RFX3: variants seen among roughly 807,000 people sequenced by gnomAD.
The protein encoded by RFX3 is regulatory factor X3.
A neutral mutation model predicts 98.6 loss-of-function variants in RFX3; 14 were observed. The ratio of observed to expected loss-of-function variants is 0.14; its 90% confidence interval spans 0.09 to 0.22. RFX3 has a LOEUF of 0.22. Ranked by LOEUF, RFX3 falls within the 10% of genes least tolerant of loss-of-function variation. The pLI, the probability that RFX3 is intolerant of heterozygous loss-of-function variation, is 1.00. For missense variants in RFX3, 639 were observed against 926.9 expected, an observed-to-expected ratio of 0.69 and a Z score of 4.03; for synonymous variants, 383 against 328.4, an observed-to-expected ratio of 1.17 and a Z score of -1.80.
chr9:3,316,393 T>G (rs187985428), intron 4 of RFX3, among the ~76,000 whole-genome samples: 3 of 152,296 alleles, frequency 2.0e-5, no homozygotes, highest in East Asian at 1.9e-4. Context: ...ATAAGAGCTA[T>G]TTATGACAAA....
chr9:3,299,953 A>G (rs1263478044), intron 5 of RFX3, among the ~76,000 whole-genome samples: 1 of 151,708 alleles, frequency 6.6e-6, no homozygotes, highest in Non-Finnish European at 1.5e-5. Context: ...TGAGTTGAAT[A>G]TGAAAGCACA....
At chr9:3,293,717 T>C (rs2129689275) in intron 5 of RFX3, among the ~76,000 whole-genome samples, 1 of 152,296 alleles carries the variant, frequency 6.6e-6, no homozygotes, top group South Asian at 2.1e-4. Flanking sequence ...TGAGTGTTTA[T>C]ATTAAAGTTA....
chr9:3,378,695 T>C (rs1199299044), intron 2 of RFX3, among the ~76,000 whole-genome samples: 1 of 151,916 alleles, frequency 6.6e-6, no homozygotes, highest in Non-Finnish European at 1.5e-5. Context: ...TAGCTAGGGT[T>C]ACAGGCATGC....
intron 1 of RFX3, among the ~76,000 whole-genome samples, chr9:3,466,460 G>A (rs34086781): frequency 0.13 from 19,269 of 152,086 alleles, 1,468 homozygotes; most frequent in African/African-American, 0.22. Context: ...TAGGTTGTAC[G>A]GGCTGAATTA....
chr9:3,394,286 A>G (rs1310527427), intron 2 of RFX3, among the ~76,000 whole-genome samples: 5 of 152,088 alleles, frequency 3.3e-5, no homozygotes, highest in Admixed American at 3.3e-4. Context: ...ACATGGTGAA[A>G]CCCCGTCTCT....
At chr9:3,489,398 T>A (rs1456722282) in intron 1 of RFX3, 37 of 984,678 alleles carry the variant, frequency 3.8e-5, no homozygotes, top group Non-Finnish European at 4.5e-5. Context: ...AGGCCTGTCT[T>A]TAAAGTACTG....
chr9:3,299,742 A>G (rs1350208316), intron 5 of RFX3, among the ~76,000 whole-genome samples: 1 of 151,850 alleles, frequency 6.6e-6, no homozygotes, highest in Non-Finnish European at 1.5e-5. Flanking sequence ...AATTCTATAA[A>G]GAAAAATAAT....
At chr9:3,350,956 G>C (rs1422106135) in intron 2 of RFX3, among the ~76,000 whole-genome samples, 1 of 152,078 alleles carries the variant, frequency 6.6e-6, no homozygotes, top group Non-Finnish European at 1.5e-5. Flanking sequence ...GAGATGAACA[G>C]GCAGGGCCCA....
intron 15 of RFX3, chr9:3,247,380 G>A (rs1820819496): frequency 1.1e-6 from 1 of 949,558 alleles, no homozygotes; most frequent in Non-Finnish European, 1.3e-6. Flanking sequence ...ATCAGACTGT[G>A]TTTGAAAAAA....
At chr9:3,255,971 C>CTTT (rs1188309644) in intron 14 of RFX3, among the ~76,000 whole-genome samples, 3 of 148,626 alleles carry the variant, frequency 2.0e-5, no homozygotes, top group African/African-American at 7.4e-5. Context: ...TTATCTCTCT[C>CTTT]TTTTTTTTTT....
chr9:3,462,404 AT>A (rs948941733), intron 1 of RFX3, among the ~76,000 whole-genome samples: 47 of 152,168 alleles, frequency 3.1e-4, no homozygotes, highest in African/African-American at 1.1e-3. Context: ...CCTCAGCCTA[AT>A]AAAAGGCATC....
intron 1 of RFX3, among the ~76,000 whole-genome samples, chr9:3,522,915 T>C (rs984257970): frequency 3.3e-5 from 5 of 152,180 alleles, no homozygotes; most frequent in African/African-American, 1.2e-4. Flanking sequence ...CACAGTAAGC[T>C]TATAAACTAT....
At chr9:3,355,511 G>T (rs369809386) in intron 2 of RFX3, among the ~76,000 whole-genome samples, 25 of 151,876 alleles carry the variant, frequency 1.6e-4, no homozygotes, top group African/African-American at 5.8e-4. Flanking sequence ...AATCCTACAT[G>T]TCTTTGCTCC....
intron 2 of RFX3, among the ~76,000 whole-genome samples, chr9:3,388,030 T>C (rs966375989): frequency 6.6e-6 from 1 of 152,122 alleles, no homozygotes; most frequent in Admixed American, 6.6e-5. Context: ...TAACAAACTA[T>C]AGGCAATTTT....
At chr9:3,396,395 A>G (rs1840880139) in intron 1 of RFX3, among the ~76,000 whole-genome samples, 1 of 152,140 alleles carries the variant, frequency 6.6e-6, no homozygotes, top group Admixed American at 6.5e-5. Context: ...GCTGCATAGT[A>G]TTCCATGGTG....
chr9:3,401,461 G>T (rs949864447), intron 1 of RFX3, among the ~76,000 whole-genome samples: 2 of 152,090 alleles, frequency 1.3e-5, no homozygotes, highest in Admixed American at 6.5e-5. Flanking sequence ...TCCAGCAGTG[G>T]TTTCTGGTGT....
chr9:3,318,164 C>T (rs535576920), intron 4 of RFX3, among the ~76,000 whole-genome samples: 3 of 152,280 alleles, frequency 2.0e-5, no homozygotes, highest in South Asian at 2.1e-4. Context: ...AAATGTGGCA[C>T]ATATACACCA....
intron 1 of RFX3, among the ~76,000 whole-genome samples, chr9:3,412,689 T>C (rs1842559433): frequency 6.6e-6 from 1 of 152,116 alleles, no homozygotes; most frequent in Non-Finnish European, 1.5e-5. Context: ...AATAATAGGA[T>C]TCTGTCCACT....
chr9:3,264,578 C>T (rs1823370806), intron 12 of RFX3, among the ~76,000 whole-genome samples: 1 of 152,150 alleles, frequency 6.6e-6, no homozygotes, highest in Non-Finnish European at 1.5e-5. Flanking sequence ...CATATATTAT[C>T]TTATTCAAGT....
Sources: allele counts gnomAD v4.1 joint callset (sites outside exome capture counted in the v4.1 genomes callset), GRCh38; gene constraint gnomAD v4.1.1; transcripts MANE v1.5; gene names NCBI Gene and HGNC (gene_info 2026-07-23, HGNC 2026-07-21).